Variants in PABPC4L observed in about 807,000 individuals in gnomAD.
The protein encoded by PABPC4L is polyadenylate-binding protein 4-like.
For synonymous variants in PABPC4L, 169 were observed against 164.1 expected (o/e 1.03, Z -0.23); for missense variants, 452 against 451.4 (o/e 1.00, Z -0.01).
the PABPC4L span, among the ~76,000 whole-genome samples, chr4:134,155,080 C>G: frequency 6.6e-6 from 1 of 152,004 alleles, no homozygotes; most frequent in Non-Finnish European, 1.5e-5. Flanking sequence ...TCATATGGCA[C>G]AAATGGTATT....
chr4:134,068,984 A>G, the PABPC4L span, among the ~76,000 whole-genome samples: 2 of 152,168 alleles, frequency 1.3e-5, no homozygotes, highest in South Asian at 4.1e-4. Flanking sequence ...TGCTGGGATT[A>G]CAGGTGTGAG....
chr4:134,030,071 C>T, the PABPC4L span, among the ~76,000 whole-genome samples: 1 of 152,064 alleles, frequency 6.6e-6, no homozygotes, highest in Admixed American at 6.6e-5. Flanking sequence ...GAGGCCTCCC[C>T]AACCCTGTGA....
the PABPC4L span, among the ~76,000 whole-genome samples, chr4:134,138,328 A>C: frequency 6.6e-6 from 1 of 151,878 alleles, no homozygotes; most frequent in Admixed American, 6.6e-5. Flanking sequence ...AAATGAAAGG[A>C]AATTATCCCT....
At chr4:134,053,962 A>T in the PABPC4L span, among the ~76,000 whole-genome samples, 1 of 151,836 alleles carries the variant, frequency 6.6e-6, no homozygotes, top group African/African-American at 2.4e-5. Context: ...AACCTTAAAC[A>T]CAAAATCCCA....
the PABPC4L span, among the ~76,000 whole-genome samples, chr4:134,151,748 A>G: frequency 6.6e-6 from 1 of 151,940 alleles, no homozygotes; most frequent in Non-Finnish European, 1.5e-5. Flanking sequence ...GTATTTCTAG[A>G]ATATAATATA....
the PABPC4L span, among the ~76,000 whole-genome samples, chr4:134,043,025 G>C: frequency 6.6e-6 from 1 of 151,974 alleles, no homozygotes; most frequent in African/African-American, 2.4e-5. Flanking sequence ...AGATTACTTT[G>C]AAATCTCTGG....
Position 134,200,884 on chromosome 4 carries a change from C to G in PABPC4L, c.136G>C (p.Val46Leu). ...VLSIRICRDQVTRRSLGYAYV... is the reference protein window; with the variant it reads ...VLSIRICRDQLTRRSLGYAYV... ...GCATAGCCCAGAGAGCGGCGGGTGA[C>G]CTGGTCCCTGCAAATGCGGATGGAC... Residue 46 changes from valine to leucine, a missense_variant, in exon 2 of 2, where the codon GTC (valine) becomes CTC (leucine). Val to Leu is a conservative substitution (Grantham distance 32). Coordinates refer to ENST00000421491, the MANE Select transcript of PABPC4L (RefSeq NM_001114734.2). The G allele has an allele frequency of 6.4e-7, 1 of 1,557,938 alleles. No individual in the cohort carries two copies.
At chr4:134,027,435 A>G in the PABPC4L span, among the ~76,000 whole-genome samples, 1 of 152,134 alleles carries the variant, frequency 6.6e-6, no homozygotes, top group African/African-American at 2.4e-5. Flanking sequence ...GATGATCAGT[A>G]TTCCATTGTG....
chr4:134,073,348 G>C, the PABPC4L span, among the ~76,000 whole-genome samples: 1 of 152,170 alleles, frequency 6.6e-6, no homozygotes, highest in Non-Finnish European at 1.5e-5. Flanking sequence ...GTTCCAAAAT[G>C]ATCTCCTTTG....
At chr4:134,129,130 C>A in the PABPC4L span, among the ~76,000 whole-genome samples, 1 of 152,016 alleles carries the variant, frequency 6.6e-6, no homozygotes. Context: ...ATATCACAAT[C>A]CTAAATATAT....
At chr4:134,146,827 CA>C in the PABPC4L span, among the ~76,000 whole-genome samples, 1 of 151,964 alleles carries the variant, frequency 6.6e-6, no homozygotes, top group African/African-American at 2.4e-5. Flanking sequence ...CAGAAGGAAC[CA>C]ATCTAGAGAG....
chr4:134,137,268 A>G, the PABPC4L span, among the ~76,000 whole-genome samples: 1 of 151,962 alleles, frequency 6.6e-6, no homozygotes, highest in Non-Finnish European at 1.5e-5. Context: ...TTCTCTCCAG[A>G]TTTAGAAATA....
the PABPC4L span, among the ~76,000 whole-genome samples, chr4:134,072,578 A>G: frequency 1.3e-5 from 2 of 152,202 alleles, no homozygotes; most frequent in East Asian, 1.9e-4. Flanking sequence ...ACAGAGGTTT[A>G]AAGAATGTAT....
the PABPC4L span, among the ~76,000 whole-genome samples, chr4:134,103,413 G>T: frequency 1.3e-5 from 2 of 151,550 alleles, no homozygotes; most frequent in Admixed American, 1.3e-4. Context: ...CTGTAGATTT[G>T]GTTTCTTTCT....
At chr4:134,072,138 C>A in the PABPC4L span, among the ~76,000 whole-genome samples, 1 of 151,964 alleles carries the variant, frequency 6.6e-6, no homozygotes, top group African/African-American at 2.4e-5. Flanking sequence ...GAGTATAAAA[C>A]AACCAATGAC....
At chr4:134,124,707 C>T in the PABPC4L span, among the ~76,000 whole-genome samples, 1 of 151,988 alleles carries the variant, frequency 6.6e-6, no homozygotes, top group African/African-American at 2.4e-5. Context: ...ATAAAGTAGC[C>T]TTACTTTTGT....
chr4:134,158,650 G>GT, the PABPC4L span, among the ~76,000 whole-genome samples: 16 of 152,048 alleles, frequency 1.1e-4, no homozygotes, highest in East Asian at 3.9e-4. Context: ...CTCAAAGAAT[G>GT]TTTTTTCCTT....
chr4:134,156,621 T>C, the PABPC4L span, among the ~76,000 whole-genome samples: 1 of 151,920 alleles, frequency 6.6e-6, no homozygotes, highest in Non-Finnish European at 1.5e-5. Context: ...AAACTATAAA[T>C]ATAAGGAAAT....
At chr4:134,188,595 G>T in the PABPC4L span, among the ~76,000 whole-genome samples, 1 of 152,032 alleles carries the variant, frequency 6.6e-6, no homozygotes, top group African/African-American at 2.4e-5. Flanking sequence ...TGGAGAAGTT[G>T]TTGTTTGTTG....
Sources: allele counts gnomAD v4.1 joint callset (sites outside exome capture counted in the v4.1 genomes callset), GRCh38; gene constraint gnomAD v4.1.1; transcripts MANE v1.5; gene names NCBI Gene and HGNC (gene_info 2026-07-23, HGNC 2026-07-21).